Variants in SLC8A3 observed in about 807,000 individuals in gnomAD.
SLC8A3 encodes the protein solute carrier family 8 member A3.
SLC8A3 carries 37 observed loss-of-function variants against 65.4 expected under a neutral mutation model. That is an observed-to-expected ratio of 0.57 (90% CI 0.44 to 0.74). The LOEUF is 0.74. Ranked by LOEUF, SLC8A3 falls within the 30% of genes least tolerant of loss-of-function variation. SLC8A3 has a pLI of 0.00. For missense variants in SLC8A3, 1,112 were observed against 1,172.1 expected (o/e 0.95, Z 0.75); for synonymous variants, 461 against 444.5 (o/e 1.04, Z -0.47).
chr14:70,092,381 CCT>C (rs1263903104), intron 2 of SLC8A3, among the ~76,000 whole-genome samples: 1 of 152,158 alleles, frequency 6.6e-6, no homozygotes, highest in Non-Finnish European at 1.5e-5. Flanking sequence ...CCACCCTGCC[CCT>C]GTCATGCCTC....
chr14:70,055,467 G>A (rs1186385198), intron 3 of SLC8A3, among the ~76,000 whole-genome samples: 1 of 152,038 alleles, frequency 6.6e-6, no homozygotes, highest in Non-Finnish European at 1.5e-5. Flanking sequence ...CCCACAACAT[G>A]AGATGGCAGA....
At chr14:70,178,143 T>C (rs571701363) in intron 1 of SLC8A3, among the ~76,000 whole-genome samples, 17 of 152,230 alleles carry the variant, frequency 1.1e-4, no homozygotes, top group Non-Finnish European at 2.1e-4. Flanking sequence ...GATCCTGAGA[T>C]CTCCAGGCCC....
At chr14:70,162,266 G>T (rs1342262073) in intron 2 of SLC8A3, among the ~76,000 whole-genome samples, 2 of 152,174 alleles carry the variant, frequency 1.3e-5, no homozygotes, top group Non-Finnish European at 2.9e-5. Context: ...AGAGAACATT[G>T]AATAAGCAGC....
chr14:70,063,788 A>T (rs927965763), intron 2 of SLC8A3: 5 of 1,110,010 alleles, frequency 4.5e-6, no homozygotes, highest in Non-Finnish European at 5.5e-6. Context: ...GGAGAGAAGA[A>T]TGTTAGTGTT....
At chr14:70,187,757 A>G (rs1594840721) in intron 1 of SLC8A3, among the ~76,000 whole-genome samples, 1 of 150,816 alleles carries the variant, frequency 6.6e-6, no homozygotes, top group South Asian at 2.1e-4. Flanking sequence ...CACTGGAGAA[A>G]CCCTCCTTCT....
intron 1 of SLC8A3, among the ~76,000 whole-genome samples, chr14:70,179,684 C>A (rs1882561490): frequency 6.6e-6 from 1 of 152,190 alleles, no homozygotes. Flanking sequence ...TCTTAGTCCT[C>A]TCATTAGCAC....
intron 2 of SLC8A3, among the ~76,000 whole-genome samples, chr14:70,129,507 A>G (rs1894684741): frequency 6.6e-6 from 1 of 152,238 alleles, no homozygotes; most frequent in African/African-American, 2.4e-5. Context: ...ACAAAGTTTA[A>G]GGCACTTTAT....
intron 2 of SLC8A3, among the ~76,000 whole-genome samples, chr14:70,061,981 T>A (rs912814358): frequency 2.6e-5 from 4 of 152,126 alleles, no homozygotes; most frequent in African/African-American, 4.8e-5. Flanking sequence ...TGTGGAGAGG[T>A]TGCCGTGTGG....
At chr14:70,101,275 A>T (rs1892533368) in intron 2 of SLC8A3, among the ~76,000 whole-genome samples, 1 of 152,216 alleles carries the variant, frequency 6.6e-6, no homozygotes, top group Non-Finnish European at 1.5e-5. Context: ...ATGGGGGATG[A>T]AATATAGACT....
intron 2 of SLC8A3, among the ~76,000 whole-genome samples, chr14:70,132,055 T>C (rs1234135674): frequency 2.6e-5 from 4 of 152,252 alleles, no homozygotes; most frequent in South Asian, 4.1e-4. Flanking sequence ...CATGGCTGAC[T>C]TACATATGTA....
chr14:70,128,075 G>A (rs190364383), intron 2 of SLC8A3, among the ~76,000 whole-genome samples: 175 of 152,194 alleles, frequency 1.1e-3, no homozygotes, highest in Non-Finnish European at 1.8e-3. Flanking sequence ...CTTGTTCCTC[G>A]TTTTTGGATT....
At chr14:70,165,178 C>T (rs1208047790) in intron 2 of SLC8A3, among the ~76,000 whole-genome samples, 1 of 152,198 alleles carries the variant, frequency 6.6e-6, no homozygotes, top group African/African-American at 2.4e-5. Flanking sequence ...GTTTGCATAT[C>T]AGAAAGTTAA....
chr14:70,116,003 C>G (rs982973940), intron 2 of SLC8A3, among the ~76,000 whole-genome samples: 1 of 152,130 alleles, frequency 6.6e-6, no homozygotes, highest in African/African-American at 2.4e-5. Flanking sequence ...CAGACGCCTT[C>G]CAATGCCAGG....
rs769431825 is a variant in SLC8A3, at chr14:70,168,447, T to C, written c.-25A>G. ...TACACGAGACTTAGCCACTGGCTTCTATTGCAGCACCAGTTGTCCTCCTGA... is the reference window on the plus strand; with the variant it reads ...TACACGAGACTTAGCCACTGGCTTCCATTGCAGCACCAGTTGTCCTCCTGA... On this transcript the variant is annotated 5_prime_UTR_variant, in exon 2 of 7. In the 5' UTR this introduces an upstream ATG that the reference lacks. Transcript: ENST00000356921. 6.3e-7 allele frequency: 1 copy of C among 1,577,984 alleles called. No individual in the cohort carries two copies. The highest frequency in any genetic ancestry group is 1.3e-5 in the African/African-American group (1 of 74,332).
At chr14:70,070,539 G>A (rs1185279367) in intron 2 of SLC8A3, among the ~76,000 whole-genome samples, 1 of 152,176 alleles carries the variant, frequency 6.6e-6, no homozygotes, top group Non-Finnish European at 1.5e-5. Context: ...GAGGAGAGAT[G>A]TCTCCTGGAG....
intron 1 of SLC8A3, among the ~76,000 whole-genome samples, chr14:70,182,186 G>C (rs1444652197): frequency 6.6e-6 from 1 of 152,140 alleles, no homozygotes; most frequent in Non-Finnish European, 1.5e-5. Context: ...GCCATCAAGA[G>C]AAAGTGGGAA....
intron 2 of SLC8A3, among the ~76,000 whole-genome samples, chr14:70,164,490 C>G (rs549183660): frequency 4.6e-5 from 7 of 152,208 alleles, no homozygotes; most frequent in Non-Finnish European, 1.0e-4. Flanking sequence ...GGTTGACATA[C>G]CTTTAGAATG....
intron 2 of SLC8A3, among the ~76,000 whole-genome samples, chr14:70,158,789 C>T (rs1469494511): frequency 2.0e-5 from 3 of 152,186 alleles, no homozygotes; most frequent in African/African-American, 4.8e-5. Flanking sequence ...TTAAATTCTC[C>T]TCTGCTTATC....
intron 2 of SLC8A3, among the ~76,000 whole-genome samples, chr14:70,140,018 G>C (rs1472473642): frequency 6.7e-6 from 1 of 150,308 alleles, no homozygotes; most frequent in Non-Finnish European, 1.5e-5. Context: ...AGTAATTGTG[G>C]TTTTGCCATG....
Sources: gnomAD v4.1 joint callset for allele counts (sites outside exome capture counted in the v4.1 genomes callset) on GRCh38, gnomAD v4.1.1 for gene constraint, MANE v1.5 for transcripts, NCBI Gene and HGNC (gene_info 2026-07-23, HGNC 2026-07-21) for gene names.